Variants in MMP26 observed in about 807,000 individuals in gnomAD.
MMP26 encodes matrix metallopeptidase 26.
A neutral mutation model predicts 31.0 loss-of-function variants in MMP26; 33 were observed. The ratio of observed to expected loss-of-function variants is 1.06; its 90% CI spans 0.81 to 1.42. The LOEUF (loss-of-function observed/expected upper bound fraction) is 1.42. MMP26 is among the 40% of genes most tolerant of loss of function. The probability of loss-of-function intolerance (pLI) is 0.00; values close to 1 mark genes in which losing one functional copy is unlikely to be tolerated. For missense variants in MMP26, 347 were observed against 316.1 expected, an observed-to-expected ratio of 1.10 and a Z score of -0.74; for synonymous variants, 122 against 114.9, an observed-to-expected ratio of 1.06 and a Z score of -0.40.
chr11:4,777,428 A>C (rs1024769322), intron 2 of MMP26, among the ~76,000 whole-genome samples: 1 of 152,162 alleles, frequency 6.6e-6, no homozygotes, highest in Non-Finnish European at 1.5e-5. Flanking sequence ...TAGGCATAGA[A>C]GGTAAAATAA....
chr11:4,907,954 T>C (rs1171253018), intron 2 of MMP26: 1 of 1,614,140 alleles, frequency 6.2e-7, no homozygotes. Flanking sequence ...ACAAGACCAA[T>C]GTCATCTATG....
chr11:4,876,831 C>T (rs1263613458), intron 2 of MMP26: 2 of 152,992 alleles, frequency 1.3e-5, no homozygotes, highest in Admixed American at 6.6e-5. Context: ...GTTCAACTGG[C>T]GTTCAATAAC....
chr11:4,735,095 G>A (rs943051554), intron 1 of MMP26, among the ~76,000 whole-genome samples: 4 of 152,188 alleles, frequency 2.6e-5, no homozygotes, highest in Admixed American at 1.3e-4. Flanking sequence ...GAAGGAGAAA[G>A]CCCTGTGTTC....
At chr11:4,773,426 C>T (rs1340895252) in intron 2 of MMP26, among the ~76,000 whole-genome samples, 1 of 152,124 alleles carries the variant, frequency 6.6e-6, no homozygotes. Context: ...CTGAGTCCCT[C>T]AACTCAACAG....
chr11:4,807,039 C>T (rs566708031), intron 2 of MMP26, among the ~76,000 whole-genome samples: 4 of 152,148 alleles, frequency 2.6e-5, no homozygotes, highest in South Asian at 4.2e-4. Flanking sequence ...GGCCAAATCC[C>T]GGAACTTAAA....
intron 2 of MMP26, chr11:4,944,905 A>T (rs1308551815): frequency 6.6e-6 from 1 of 152,168 alleles, no homozygotes; most frequent in East Asian, 1.9e-4. Flanking sequence ...ATCTTTTTCA[A>T]CAAACATGGT....
rs1848668436 is a variant in MMP26 at position 4,768,985 on chromosome 11, T to C, written c.-145+1644T>C. Reference sequence around the variant, plus strand: ...CAAATAAAACTATGTCTGTTCATTTTGTAAGCAGCAGACTGAGCATAGCCT... The same window carrying C: ...CAAATAAAACTATGTCTGTTCATTTCGTAAGCAGCAGACTGAGCATAGCCT... On this transcript the variant is annotated intron_variant, in intron 2 of 7. Coordinates refer to ENST00000380390, the MANE Select transcript of MMP26 (RefSeq NM_021801.5). 9.4e-6 allele frequency: 14 copies of C among 1,497,230 alleles called. No homozygotes were observed. The South Asian group carries it at 2.0e-4, about 22-fold the overall frequency. The allele number at this position is 1,497,230 out of a possible 1,614,324, so 92.7% of individuals were successfully genotyped here.
At chr11:4,958,396 G>A (rs1846473384) in intron 2 of MMP26, among the ~76,000 whole-genome samples, 1 of 152,090 alleles carries the variant, frequency 6.6e-6, no homozygotes, top group African/African-American at 2.4e-5. Context: ...CCTTTTGCTG[G>A]TTACAATCTC....
intron 2 of MMP26, chr11:4,882,741 T>C (rs1311659411): frequency 1.2e-6 from 2 of 1,613,944 alleles, no homozygotes; most frequent in Admixed American, 3.3e-5. Flanking sequence ...TTGGCCAATA[T>C]TTATCTGCTC....
chr11:4,907,585 C>T (rs1330517994), intron 2 of MMP26: 2 of 1,613,786 alleles, frequency 1.2e-6, no homozygotes, highest in Non-Finnish European at 1.7e-6. Context: ...CTGACATGGG[C>T]CTGTCCCTCT....
intron 2 of MMP26, among the ~76,000 whole-genome samples, chr11:4,775,772 A>AAGAG (rs58462157): frequency 6.9e-6 from 1 of 144,084 alleles, no homozygotes; most frequent in Admixed American, 6.8e-5. Context: ...GAGAGAGAGA[A>AAGAG]AGAGAGAGAG....
At chr11:4,821,725 C>A (rs199854418) in intron 2 of MMP26, 1 of 1,613,984 alleles carries the variant, frequency 6.2e-7, no homozygotes, top group Non-Finnish European at 8.5e-7. Context: ...CTGCATTGCC[C>A]AGATGTTCTT....
intron 2 of MMP26, chr11:4,915,725 T>C: frequency 9.1e-7 from 1 of 1,096,750 alleles, no homozygotes; most frequent in South Asian, 1.5e-5. Flanking sequence ...ATTGAGGCAG[T>C]ACTGGTGATT....
At chr11:4,768,685 G>A (rs866996707) in intron 2 of MMP26, among the ~76,000 whole-genome samples, 9 of 152,140 alleles carry the variant, frequency 5.9e-5, no homozygotes, top group African/African-American at 1.7e-4. Flanking sequence ...AATGGAATAT[G>A]TCTTAAAAGC....
chr11:4,735,789 A>T (rs564644923), intron 1 of MMP26, among the ~76,000 whole-genome samples: 9,886 of 152,100 alleles, frequency 0.065, 388 homozygotes, highest in Non-Finnish European at 0.095. Flanking sequence ...AAAGTAAAAA[A>T]CACTTAATAA....
rs1196370631 is a variant in MMP26, at chr11:4,769,147, C to T, written c.-145+1806C>T. The T allele has an allele frequency of 5.0e-6, 8 of 1,612,912 alleles. No homozygotes were observed. The Admixed American group carries it at 5.0e-5, about 10-fold the overall frequency. The stretch of plus-strand genomic sequence containing the variant: ...AGCGATACACCAAGGACAGGCTCAG[C>T]ATGTGGATGTAGAAGAAAGCAACTG... On this transcript the variant is annotated intron_variant, in intron 2 of 7. Transcript: ENST00000380390.
intron 2 of MMP26, among the ~76,000 whole-genome samples, chr11:4,959,331 G>A (rs1385333982): frequency 6.6e-6 from 1 of 151,620 alleles, no homozygotes; most frequent in Non-Finnish European, 1.5e-5. Context: ...AAATATCAAA[G>A]GAGGCCATTA....
rs761907921 is a variant in MMP26 at position 4,883,639 on chromosome 11, C to T, written c.-144-104429C>T. Reference sequence around the variant, plus strand: ...CCATTGCTAACTCTCAGAACTGCAGCTTTTTTCTATTTGCTCTTGTTTCTT... The same window carrying T: ...CCATTGCTAACTCTCAGAACTGCAGTTTTTTTCTATTTGCTCTTGTTTCTT... On this transcript the variant is annotated intron_variant, in intron 2 of 7. Transcript: ENST00000380390. Among the ~76,000 whole-genome samples the T allele has an allele frequency of 2.0e-4, 31 of 152,066 alleles. 1 individual carries two copies. Among genetic ancestry groups the T allele is most frequent in the Admixed American group, 2.6e-4 (4 of 15,236 alleles).
At chr11:4,726,243 G>C (rs980244142) in intron 1 of MMP26, among the ~76,000 whole-genome samples, 1 of 151,830 alleles carries the variant, frequency 6.6e-6, no homozygotes, top group South Asian at 2.1e-4. Context: ...TTGGGAGACC[G>C]AGGAGAATGG....
Sources: gnomAD v4.1 joint callset for allele counts (sites outside exome capture counted in the v4.1 genomes callset) on GRCh38, gnomAD v4.1.1 for gene constraint, MANE v1.5 for transcripts, NCBI Gene and HGNC (gene_info 2026-07-23, HGNC 2026-07-21) for gene names.